The following ACACA variants were observed in gnomAD, a reference collection of about 807,000 sequenced individuals.
The protein encoded by ACACA is acetyl-CoA carboxylase 1.
In ACACA, 103 loss-of-function variants were observed where a neutral mutation model predicts 296.1. The observed-to-expected ratio is 0.35, with a 90% CI of 0.30 to 0.41. ACACA has a LOEUF of 0.41. Ranked by LOEUF, ACACA falls within the 10% of genes least tolerant of loss-of-function variation. ACACA has a pLI of 1.00. For synonymous variants in ACACA, 953 were observed against 1,038.6 expected (o/e 0.92, Z 1.58); for missense variants, 1,554 against 2,989.7 (o/e 0.52, Z 11.20).
intron 3 of ACACA, among the ~76,000 whole-genome samples, chr17:37,320,093 C>G (rs1386137427): frequency 6.6e-6 from 1 of 152,108 alleles, no homozygotes; most frequent in Admixed American, 6.6e-5. Context: ...CCACTGCACT[C>G]CAGCCTGGAC....
At chr17:37,205,615 G>T in intron 33 of ACACA, 150 bp downstream of exon 33, 1 of 685,522 alleles carries the variant, frequency 1.5e-6, no homozygotes, top group East Asian at 2.7e-5. Flanking sequence ...AAGTCACTTT[G>T]GGATTTTATC....
chr17:37,286,228 CAG>C (rs2082766071), intron 3 of ACACA, among the ~76,000 whole-genome samples: 1 of 152,084 alleles, frequency 6.6e-6, no homozygotes, highest in Non-Finnish European at 1.5e-5. Context: ...CATAAAATAA[CAG>C]TGTTTCTAAC....
At chr17:37,355,174 C>T (rs1442117400) in intron 1 of ACACA, among the ~76,000 whole-genome samples, 5 of 147,012 alleles carry the variant, frequency 3.4e-5, no homozygotes, top group African/African-American at 1.0e-4. Flanking sequence ...ACCCGGGTGG[C>T]GGTGGTTGCA....
intron 45 of ACACA, chr17:37,141,310 G>T: frequency 2.0e-6 from 1 of 512,272 alleles, no homozygotes; most frequent in Non-Finnish European, 3.8e-6. Flanking sequence ...CTTGCCCTCA[G>T]CCTTGCCTCC....
chr17:37,133,962 G>C (rs2075221054), intron 45 of ACACA, among the ~76,000 whole-genome samples: 1 of 152,160 alleles, frequency 6.6e-6, no homozygotes, highest in African/African-American at 2.4e-5. Context: ...AGAGGAAAGA[G>C]GATCTTGACT....
chr17:37,371,223 G>C (rs1443510100), intron 1 of ACACA, among the ~76,000 whole-genome samples: 1 of 151,714 alleles, frequency 6.6e-6, no homozygotes, highest in African/African-American at 2.4e-5. Context: ...GGGATTACAG[G>C]CATCTGCCAC....
Position 37,225,499 on chromosome 17 carries a change from T to G in ACACA, c.3361-394A>C, listed in dbSNP as rs1055793660. The G allele has an allele frequency of 1.4e-5, 3 of 211,598 alleles. No individual in the cohort carries two copies. In the South Asian group the frequency reaches 2.3e-4, roughly 16 times the overall value. The allele number at this position is 211,598 out of a possible 1,614,324, so 13.1% of individuals were successfully genotyped here. A position where few individuals can be genotyped will look rare whatever the true frequency, so the allele number is the denominator to read the frequency against. On this transcript the variant is annotated intron_variant, in intron 26 of 55. Transcript: ENST00000616317. ...GTGGGAAAGGTAGATGCAGCAGAGC[T>G]AGCCTTTTACAACTCTGAAGTAGAA... is the stretch of plus-strand genomic sequence containing the variant.
At chr17:37,157,478 T>C (rs912916157) in intron 42 of ACACA, among the ~76,000 whole-genome samples, 6 of 151,726 alleles carry the variant, frequency 4.0e-5, no homozygotes, top group African/African-American at 1.5e-4. Flanking sequence ...TAAAGGGTTT[T>C]AAGTGGAGAA....
At chr17:37,227,878 A>AAT (rs1555606428) in intron 25 of ACACA, among the ~76,000 whole-genome samples, 6 of 148,244 alleles carry the variant, frequency 4.0e-5, no homozygotes, top group East Asian at 1.9e-4. Context: ...AAAAAAAAAA[A>AAT]TTTTTTTTAA....
chr17:37,175,564 C>G (rs571397674), intron 41 of ACACA, among the ~76,000 whole-genome samples: 3 of 152,328 alleles, frequency 2.0e-5, no homozygotes, highest in African/African-American at 7.2e-5. Context: ...TATTTACATA[C>G]AGTGCCCATC....
intron 39 of ACACA, among the ~76,000 whole-genome samples, chr17:37,187,596 C>T (rs1015688962): frequency 6.6e-5 from 10 of 152,214 alleles, no homozygotes; most frequent in African/African-American, 2.4e-4. Context: ...TTCTCTGTTT[C>T]ACAGAATTAG....
At position 37,223,608 on chromosome 17, in the gene ACACA, G is replaced by C. The variant is rs1462322162; in HGVS notation, c.3475-7C>G. On this transcript the variant is annotated splice_region_variant and splice_polypyrimidine_tract_variant and intron_variant, in intron 27 of 55. Transcript: ENST00000616317. ...TTTCTGATAGGATGAGTTTCTAGAA[G>C]ATACAAAGACAGGCTTAAGCCTTAC... The C allele has an allele frequency of 1.3e-6, 2 of 1,575,696 alleles. No homozygotes were observed. Among genetic ancestry groups the C allele is most frequent in the African/African-American group, 2.7e-5 (2 of 74,034 alleles).
At chr17:37,142,961 T>C (rs1330804675) in intron 45 of ACACA, among the ~76,000 whole-genome samples, 5 of 152,198 alleles carry the variant, frequency 3.3e-5, no homozygotes, top group Non-Finnish European at 7.3e-5. Context: ...GAAATTGCAA[T>C]GAGAAGGAAC....
intron 2 of ACACA, among the ~76,000 whole-genome samples, chr17:37,332,002 C>A (rs1340179194): frequency 2.0e-5 from 3 of 151,698 alleles, no homozygotes; most frequent in East Asian, 1.9e-4. Flanking sequence ...TGTGCTGACA[C>A]TGATATGAGA....
chr17:37,136,217 C>T (rs1235539919), intron 45 of ACACA, among the ~76,000 whole-genome samples: 2 of 152,008 alleles, frequency 1.3e-5, no homozygotes, highest in Non-Finnish European at 2.9e-5. Flanking sequence ...TCCTCATGTT[C>T]CCTTCCCTCC....
intron 43 of ACACA, among the ~76,000 whole-genome samples, chr17:37,152,663 A>T (rs1329163109): frequency 1.3e-5 from 2 of 152,182 alleles, no homozygotes; most frequent in African/African-American, 4.8e-5. Flanking sequence ...GATAGCTGAT[A>T]ATGGGAAATG....
At chr17:37,129,994 A>G in intron 46 of ACACA, 81 bp downstream of exon 46, 1 of 1,555,734 alleles carries the variant, frequency 6.4e-7, no homozygotes, top group South Asian at 1.1e-5. Context: ...TAAAGACAAG[A>G]CCTTAAACAC....
chr17:37,138,343 G>A (rs1338411737), intron 45 of ACACA, among the ~76,000 whole-genome samples: 3 of 152,198 alleles, frequency 2.0e-5, no homozygotes, highest in African/African-American at 7.2e-5. Flanking sequence ...TCATAGACCA[G>A]TCTGTGCACA....
chr17:37,301,981 C>CT (rs970584454), intron 3 of ACACA, among the ~76,000 whole-genome samples: 44 of 149,244 alleles, frequency 2.9e-4, no homozygotes, highest in African/African-American at 5.9e-4. Flanking sequence ...TATTTAATTT[C>CT]TTTTTTTTTT....
Sources: allele counts gnomAD v4.1 joint callset (sites outside exome capture counted in the v4.1 genomes callset), GRCh38; gene constraint gnomAD v4.1.1; transcripts MANE v1.5; gene names NCBI Gene and HGNC (gene_info 2026-07-23, HGNC 2026-07-21).